Variants in PIK3C2A observed in about 807,000 individuals in gnomAD.
The protein encoded by PIK3C2A is phosphatidylinositol-4-phosphate 3-kinase catalytic subunit type 2 alpha.
A neutral mutation model predicts 204.5 loss-of-function variants in PIK3C2A; 97 were observed. That is an observed-to-expected ratio of 0.47 (90% CI 0.40 to 0.56). The LOEUF (loss-of-function observed/expected upper bound fraction) is 0.56. Among genes scored for constraint, PIK3C2A ranks in the 20% least tolerant of loss-of-function variants. PIK3C2A has a pLI of 0.00. For missense variants in PIK3C2A, 1,735 were observed against 1,969.2 expected (o/e 0.88, Z 2.25); for synonymous variants, 653 against 664.4 (o/e 0.98, Z 0.26).
In PIK3C2A at chr11:17,169,121, A is replaced by G. The variant is rs1376733407; in HGVS notation, c.621T>C (p.His207=). The change falls in exon 2 of 33, where the codon CAT becomes CAC. Residue 207 remains histidine (H), a synonymous_variant. Coordinates refer to ENST00000691414, the MANE Select transcript of PIK3C2A (RefSeq NM_002645.4). ...SYPLTPATPF[H]PQGSLPIYRP... The stretch of plus-strand genomic sequence containing the variant: ...GATAGATAGGTAAGCTTCCTTGTGG[A>G]TGAAAGGGTGTGGCAGGTGTCAAAG... 1.9e-6 allele frequency: 3 copies of G among 1,614,068 alleles called. No homozygotes were observed. The highest frequency in any genetic ancestry group is 2.7e-5 in the African/African-American group (2 of 74,940).
intron 1 of PIK3C2A, among the ~76,000 whole-genome samples, chr11:17,189,226 C>G (rs1322746285): frequency 6.8e-6 from 1 of 147,068 alleles, no homozygotes; most frequent in East Asian, 1.9e-4. Context: ...TAGACTTACT[C>G]AATTTAGTGG....
At chr11:17,090,128 T>C (rs1848261773) in intron 32 of PIK3C2A, among the ~76,000 whole-genome samples, 1 of 152,220 alleles carries the variant, frequency 6.6e-6, no homozygotes, top group Admixed American at 6.5e-5. Context: ...ATTCCTGTGA[T>C]GTCTGACATA....
intron 1 of PIK3C2A, among the ~76,000 whole-genome samples, 169 bp from the exon 2 acceptor site, chr11:17,169,975 T>C (rs1311787269): frequency 6.6e-6 from 1 of 152,234 alleles, no homozygotes; most frequent in Admixed American, 6.5e-5. Flanking sequence ...TAACACCTTA[T>C]ACACTGTTGG....
chr11:17,141,132 CTAAG>C (rs1451864509), intron 8 of PIK3C2A, among the ~76,000 whole-genome samples: 2 of 152,132 alleles, frequency 1.3e-5, no homozygotes, highest in East Asian at 1.9e-4. Context: ...TTGAATTTTA[CTAAG>C]TAAGAGAGTA....
In PIK3C2A at chr11:17,136,617, G is replaced by C; in HGVS notation, c.1713C>G (p.His571Gln). ...CTTTAATTACTTGATCTACTGCTCG[G>C]TGTTGGTTCTTTAAAAATAAAAAAT... ...VELALQIENQ[H>Q]RAVDQVIKAV... The change falls in exon 9 of 33, where the codon CAC becomes CAG. Residue 571 changes from histidine to glutamine, a missense_variant. His to Gln is a conservative substitution (Grantham distance 24). Coordinates refer to ENST00000691414, the MANE Select transcript of PIK3C2A (RefSeq NM_002645.4). 1 of 1,540,542 alleles carries C rather than the reference G, an allele frequency of 6.5e-7. No individual in the cohort carries two copies. The highest frequency in any genetic ancestry group is 1.7e-4 in the Middle Eastern group (1 of 5,724).
chr11:17,140,817 T>A (rs1359203554), intron 8 of PIK3C2A, among the ~76,000 whole-genome samples: 2 of 152,136 alleles, frequency 1.3e-5, no homozygotes, highest in African/African-American at 2.4e-5. Flanking sequence ...AAATTATACC[T>A]CAATAAAGCT....
chr11:17,104,369 G>C (rs1848736132), intron 23 of PIK3C2A, among the ~76,000 whole-genome samples: 1 of 152,064 alleles, frequency 6.6e-6, no homozygotes. Context: ...CATAGTATAT[G>C]CTATAATACC....
Position 17,131,993 on chromosome 11 carries a change from C to T in PIK3C2A, c.2154G>A (p.Lys718=), listed in dbSNP as rs146461383. 2.1e-4 allele frequency: 336 copies of T among 1,570,072 alleles called. 1 individual carries two copies. The highest frequency in any genetic ancestry group is 2.8e-4 in the Non-Finnish European group (322 of 1,146,244). Residue 718 remains lysine, a synonymous_variant, in exon 12 of 33, where the codon AAG becomes AAA. Transcript: ENST00000691414. ...YLICSLSHNG[K]DLFKPIQSKK... is the part of the protein sequence containing the mutation. Reference sequence around the variant, plus strand: ...TTGATTGAATAGGTTTAAAAAGATCCTTTCCATTGTGAGACAGTGAACATA... The same window carrying T: ...TTGATTGAATAGGTTTAAAAAGATCTTTTCCATTGTGAGACAGTGAACATA...
chr11:17,164,552 AAAGCTGTTGATATGCTACACTGTAGT>A (rs1244340048), intron 2 of PIK3C2A, among the ~76,000 whole-genome samples: 2 of 152,216 alleles, frequency 1.3e-5, no homozygotes, highest in Non-Finnish European at 2.9e-5. Flanking sequence ...TGCTATCAGT[AAAGCTGTTGATATGCTACACTGTAGT>A]AATCTAGCTC....
At chr11:17,095,372 G>A (rs1249024749) in intron 27 of PIK3C2A, among the ~76,000 whole-genome samples, 1 of 145,602 alleles carries the variant, frequency 6.9e-6, no homozygotes, top group East Asian at 2.0e-4. Flanking sequence ...TCAGGATATT[G>A]AGACCATCCT....
At chr11:17,114,737 A>C (rs1849123987) in intron 19 of PIK3C2A, among the ~76,000 whole-genome samples, 1 of 152,244 alleles carries the variant, frequency 6.6e-6, no homozygotes, top group Admixed American at 6.5e-5. Context: ...AAATGAATGC[A>C]GTTTTTCACC....
intron 25 of PIK3C2A, among the ~76,000 whole-genome samples, chr11:17,100,251 G>C (rs1239496150): frequency 4.6e-5 from 2 of 43,856 alleles, no homozygotes. Flanking sequence ...TTTGGGGGCG[G>C]GGGGGGGGGG....
Position 17,091,665 on chromosome 11 carries a change from A to T in PIK3C2A, c.4643-9T>A. ...ACTGAAGGAACCTGCATCTGAAAAT[A>T]CAAATATTTTCATCTTTATTTACTG... On this transcript the variant is annotated splice_polypyrimidine_tract_variant and intron_variant, in intron 30 of 32. Transcript: ENST00000691414. 6.6e-7 allele frequency: 1 copy of T among 1,523,008 alleles called. No homozygotes were observed. The highest frequency in any genetic ancestry group is 1.4e-5 in the African/African-American group (1 of 72,366). The allele number at this position is 1,523,008 out of a possible 1,614,324, so 94.3% of individuals were successfully genotyped here.
At position 17,097,050 on chromosome 11, in the gene PIK3C2A, A is replaced by G. The variant is rs768158789; in HGVS notation, c.4326+7T>C. ...TGATTGTTTATGAATATTGAAATCAAACTTACATAATGTTTATCTGGGTTG... is the reference window on the plus strand; with the variant it reads ...TGATTGTTTATGAATATTGAAATCAGACTTACATAATGTTTATCTGGGTTG... On this transcript the variant is annotated splice_region_variant and intron_variant, in intron 27 of 32. Transcript: ENST00000691414. 2.0e-6 allele frequency: 3 copies of G among 1,474,626 alleles called. No homozygotes were observed. The East Asian group carries it at 6.8e-5, about 33-fold the overall frequency. The allele number at this position is 1,474,626 out of a possible 1,614,324, so 91.3% of individuals were successfully genotyped here.
At chr11:17,148,626 G>A in intron 5 of PIK3C2A, 41 bp downstream of exon 5, 3 of 1,587,320 alleles carry the variant, frequency 1.9e-6, no homozygotes, top group Non-Finnish European at 2.6e-6. Flanking sequence ...CATTAAAAAT[G>A]AAATTTCCAA....
rs1283056548 is a variant in PIK3C2A at position 17,101,451 on chromosome 11, T to C, written c.3852-17A>G. ...GCCCGATCCCTATTTAAAATGAAAGTACATACAAAATATTATTTACAGAAG... is the reference window on the plus strand; with the variant it reads ...GCCCGATCCCTATTTAAAATGAAAGCACATACAAAATATTATTTACAGAAG... On this transcript the variant is annotated splice_polypyrimidine_tract_variant and intron_variant, in intron 24 of 32. Transcript: ENST00000691414. 7 of 1,434,682 alleles carry C rather than the reference T, an allele frequency of 4.9e-6. No homozygotes were observed. Among genetic ancestry groups the C allele is most frequent in the Non-Finnish European group, 5.7e-6 (6 of 1,055,080 alleles). 88.9% of individuals were successfully genotyped at this position (1,434,682 alleles called of 1,614,324 possible).
At chr11:17,191,924 G>A (rs1851957788) in intron 1 of PIK3C2A, among the ~76,000 whole-genome samples, 1 of 150,998 alleles carries the variant, frequency 6.6e-6, no homozygotes, top group Non-Finnish European at 1.5e-5. Flanking sequence ...CTTGAGTCCA[G>A]GAGTTTGAGA....
At chr11:17,168,569 A>G (rs902642689) in intron 2 of PIK3C2A, 108 bp downstream of exon 2, 40 of 795,214 alleles carry the variant, frequency 5.0e-5, no homozygotes, top group Middle Eastern at 3.4e-4. Flanking sequence ...CGACAGAGCG[A>G]GACTCCTTCT....
At chr11:17,200,798 A>G (rs781125783) in intron 1 of PIK3C2A, among the ~76,000 whole-genome samples, 10 of 152,248 alleles carry the variant, frequency 6.6e-5, no homozygotes, top group African/African-American at 1.4e-4. Flanking sequence ...TTATACCTTA[A>G]TAAGTATGAC....
Sources: gnomAD v4.1 joint callset for allele counts (sites outside exome capture counted in the v4.1 genomes callset) on GRCh38, gnomAD v4.1.1 for gene constraint, MANE v1.5 for transcripts, NCBI Gene and HGNC (gene_info 2026-07-23, HGNC 2026-07-21) for gene names.